Variants in KDM2A observed in about 807,000 individuals in gnomAD.
The protein encoded by KDM2A is lysine-specific demethylase 2A.
KDM2A carries 3 observed loss-of-function variants against 137.3 expected under a neutral mutation model. The observed-to-expected ratio is 0.02, with a 90% CI of 0.01 to 0.06. The LOEUF (loss-of-function observed/expected upper bound fraction) is 0.06, where lower values mean the gene tolerates loss of function less well. KDM2A is among the 10% of genes least tolerant of loss of function. The pLI, the probability that KDM2A is intolerant of heterozygous loss-of-function variation, is 1.00. For synonymous variants in KDM2A, 512 were observed against 541.5 expected (o/e 0.95, Z 0.76); for missense variants, 738 against 1,510.6 (o/e 0.49, Z 8.48).
intron 2 of KDM2A, among the ~76,000 whole-genome samples, chr11:67,135,415 TGTG>T (rs926361391): frequency 1.3e-5 from 2 of 152,136 alleles, no homozygotes; most frequent in African/African-American, 2.4e-5. Context: ...AGATAAAAGT[TGTG>T]GTGCTGTTGT....
chr11:67,217,535 G>A, intron 8 of KDM2A, 196 bp from the exon 9 acceptor site: 1 of 591,524 alleles, frequency 1.7e-6, no homozygotes, highest in Non-Finnish European at 3.0e-6. Context: ...TAATGCTGTT[G>A]GATCAAGTGA....
At chr11:67,227,330 T>C (rs1002235132) in intron 10 of KDM2A, among the ~76,000 whole-genome samples, 2 of 152,224 alleles carry the variant, frequency 1.3e-5, no homozygotes, top group Non-Finnish European at 2.9e-5. Context: ...AATAGCCTAA[T>C]ATGAACATGT....
intron 2 of KDM2A, among the ~76,000 whole-genome samples, chr11:67,144,597 C>T (rs1311226565): frequency 1.3e-5 from 2 of 150,726 alleles, no homozygotes; most frequent in Non-Finnish European, 3.0e-5. Flanking sequence ...AGGTCTTGCT[C>T]TGTTAGCTCA....
Position 67,251,056 on chromosome 11 carries a change from G to C in KDM2A, c.2768+258G>C, listed in dbSNP as rs149014665. Among the ~76,000 whole-genome samples the C allele has an allele frequency of 8.5e-5, 13 of 152,304 alleles. No individual in the cohort carries two copies. In the East Asian group the frequency reaches 2.3e-3, roughly 27 times the overall value. On this transcript the variant is annotated intron_variant, in intron 17 of 20. Coordinates refer to ENST00000529006, the MANE Select transcript of KDM2A (RefSeq NM_012308.3). ...TCTCATTGTTATGGGGAGGGAGACTGATTTGCGGGATAGATTTGTAGTCTG... is the reference window on the plus strand; with the variant it reads ...TCTCATTGTTATGGGGAGGGAGACTCATTTGCGGGATAGATTTGTAGTCTG...
intron 2 of KDM2A, among the ~76,000 whole-genome samples, chr11:67,145,807 C>T (rs183564815): frequency 7.2e-5 from 11 of 151,830 alleles, no homozygotes; most frequent in Non-Finnish European, 1.3e-4. Flanking sequence ...CTTTCTGAAT[C>T]ATACATTTTC....
rs373821288 is a variant in KDM2A at position 67,206,932 on chromosome 11, G to C, written c.308-578G>C. Among the ~76,000 whole-genome samples, 58 of 152,284 alleles carry C rather than the reference G, an allele frequency of 3.8e-4. 1 individual carries two copies. In the South Asian group the frequency reaches 9.3e-3, roughly 24 times the overall value. ...AAATATTTGTGGAATAAATGAAAAG[G>C]GGACTTTGTTCTTCATGAACTAGGA... On this transcript the variant is annotated intron_variant, in intron 5 of 20. Coordinates refer to ENST00000529006, the MANE Select transcript of KDM2A (RefSeq NM_012308.3).
chr11:67,252,991 G>T, intron 18 of KDM2A, 134 bp downstream of exon 18: 1 of 1,027,404 alleles, frequency 9.7e-7, no homozygotes, highest in South Asian at 1.7e-5. Flanking sequence ...TTGTTGCTTA[G>T]CAAGAGGTTT....
chr11:67,217,655 T>A, intron 8 of KDM2A, 76 bp from the exon 9 acceptor site: 1 of 1,440,070 alleles, frequency 6.9e-7, no homozygotes, highest in Non-Finnish European at 9.6e-7. Flanking sequence ...CTTAATTTTG[T>A]ACCTGTTTAT....
At chr11:67,248,875 C>G (rs1859326254) in intron 16 of KDM2A, among the ~76,000 whole-genome samples, 1 of 152,230 alleles carries the variant, frequency 6.6e-6, no homozygotes. Context: ...GCCCCTCCCC[C>G]AGAGAGGACC....
intron 2 of KDM2A, among the ~76,000 whole-genome samples, chr11:67,162,954 C>G (rs1856665942): frequency 6.6e-6 from 1 of 152,174 alleles, no homozygotes; most frequent in Non-Finnish European, 1.5e-5. Flanking sequence ...AAGTGATCCT[C>G]TTGCCCCAGC....
chr11:67,235,887 G>C lies in KDM2A; in HGVS notation c.1479+3927G>C, dbSNP rs1458988151. ...CCTGCCTTGGCCTCCCAAAGTGCTG[G>C]GATTACAGGCGTGAGCCACTGCGCC... On this transcript the variant is annotated intron_variant, in intron 12 of 20. Transcript: ENST00000529006. Among the ~76,000 whole-genome samples the C allele has an allele frequency of 2.6e-5, 4 of 152,156 alleles. No homozygotes were observed. The East Asian group carries it at 7.7e-4, about 29-fold the overall frequency.
chr11:67,213,684 G>A (rs1858065380), intron 6 of KDM2A, among the ~76,000 whole-genome samples: 1 of 151,352 alleles, frequency 6.6e-6, no homozygotes, highest in South Asian at 2.1e-4. Flanking sequence ...GCTTGAACCT[G>A]GGAGGCGGAG....
chr11:67,239,997 C>T (rs778635524), intron 12 of KDM2A: 83 of 1,247,750 alleles, frequency 6.7e-5, no homozygotes, highest in Non-Finnish European at 7.9e-5. Context: ...CGGCTGGGCC[C>T]TCTGCCTGGC....
chr11:67,124,709 T>C (rs1158349617), intron 2 of KDM2A, among the ~76,000 whole-genome samples: 5 of 151,592 alleles, frequency 3.3e-5, no homozygotes, highest in Non-Finnish European at 7.4e-5. Context: ...AGATTTTTTT[T>C]TTTCTTTTTT....
intron 2 of KDM2A, among the ~76,000 whole-genome samples, chr11:67,122,641 ATT>A (rs1361627243): frequency 5.7e-5 from 8 of 141,010 alleles, no homozygotes; most frequent in East Asian, 4.1e-4. Context: ...TTTTTTATTT[ATT>A]TTTATTTATT....
chr11:67,219,442 T>C (rs941510489), intron 10 of KDM2A, 39 bp downstream of exon 10: 1 of 1,131,670 alleles, frequency 8.8e-7, no homozygotes, highest in African/African-American at 1.6e-5. Context: ...TGAAGAGGTT[T>C]ACTCCAGTTA....
In KDM2A at chr11:67,255,354, T is replaced by G; in HGVS notation, c.*299T>G. 1 of 467,338 alleles carries G rather than the reference T, an allele frequency of 2.1e-6. No individual in the cohort carries two copies. Among genetic ancestry groups the G allele is most frequent in the Non-Finnish European group, 4.1e-6 (1 of 244,890 alleles). 28.9% of individuals were successfully genotyped at this position (467,338 alleles called of 1,614,324 possible). A position where few individuals can be genotyped will look rare whatever the true frequency, so the allele number is the denominator to read the frequency against. ...GCCTGCCAGGAGGCCGGGCTCTCAG[T>G]TTGGGGTGTTTGTGCAACCTTCATC... On this transcript the variant is annotated 3_prime_UTR_variant, in exon 21 of 21. Coordinates refer to ENST00000529006, the MANE Select transcript of KDM2A (RefSeq NM_012308.3).
chr11:67,191,489 T>C (rs1307106530), intron 5 of KDM2A, among the ~76,000 whole-genome samples: 1 of 152,206 alleles, frequency 6.6e-6, no homozygotes, highest in Admixed American at 6.5e-5. Context: ...ATTAAAAGGA[T>C]TATACACCAT....
intron 6 of KDM2A, among the ~76,000 whole-genome samples, chr11:67,208,312 G>A (rs1857875404): frequency 6.6e-6 from 1 of 151,686 alleles, no homozygotes; most frequent in Non-Finnish European, 1.5e-5. Flanking sequence ...GGCTCAAGCA[G>A]TTCTCCCACC....
Sources: allele counts gnomAD v4.1 joint callset (sites outside exome capture counted in the v4.1 genomes callset), GRCh38; gene constraint gnomAD v4.1.1; transcripts MANE v1.5; gene names NCBI Gene and HGNC (gene_info 2026-07-23, HGNC 2026-07-21).